Variants in HMGCLL1 observed in about 807,000 individuals in gnomAD.
HMGCLL1 encodes the protein 3-hydroxy-3-methylglutaryl-CoA lyase like 1.
HMGCLL1 carries 36 observed loss-of-function variants against 39.1 expected under a neutral mutation model. That is an observed-to-expected ratio of 0.92 (90% CI 0.71 to 1.22). The LOEUF (loss-of-function observed/expected upper bound fraction) is 1.22. HMGCLL1 is among the 50% of genes most tolerant of loss of function. The pLI is 0.00. For synonymous variants in HMGCLL1, 149 were observed against 144.0 expected, an observed-to-expected ratio of 1.03 and a Z score of -0.25; for missense variants, 451 against 416.5, an observed-to-expected ratio of 1.08 and a Z score of -0.72.
rs1418854946 is a variant in HMGCLL1, at chr6:55,477,231, T to G, written c.795+18188A>C. Among the ~76,000 whole-genome samples, 20 of 21,484 alleles carry G rather than the reference T, an allele frequency of 9.3e-4. 1 individual carries two copies. The highest frequency in any genetic ancestry group is 1.3e-3 in the Non-Finnish European group (18 of 14,328). The allele number at this position is 21,484 out of a possible 152,430, so 14.1% of individuals were successfully genotyped here. On this transcript the variant is annotated intron_variant, in intron 7 of 8. Transcript: ENST00000274901. ...ATATATTATATTATAATATATAATA[T>G]ATATTATATTTATATAATATATAAT...
Position 55,550,139 on chromosome 6 carries a change from G to A in HMGCLL1, c.109-7999C>T, listed in dbSNP as rs548650728. Among the ~76,000 whole-genome samples the A allele has an allele frequency of 5.3e-5, 8 of 152,092 alleles. No individual in the cohort carries two copies. In the East Asian group the frequency reaches 1.5e-3, roughly 29 times the overall value. ...GGAGATGAATTATTGAGTGCTAAAG[G>A]TGGCAGAAGGGGTTGAGAAAAATGT... On this transcript the variant is annotated intron_variant, in intron 1 of 8. Coordinates refer to ENST00000274901, the MANE Select transcript of HMGCLL1 (RefSeq NM_001042406.2).
At chr6:55,621,420 A>T in the HMGCLL1 span, among the ~76,000 whole-genome samples, 1 of 151,972 alleles carries the variant, frequency 6.6e-6, no homozygotes, top group Non-Finnish European at 1.5e-5. Flanking sequence ...ATTCATCTGT[A>T]TTTATAGCTG....
At chr6:55,522,879 G>C (rs1267729549) in intron 3 of HMGCLL1, among the ~76,000 whole-genome samples, 1 of 151,980 alleles carries the variant, frequency 6.6e-6, no homozygotes, top group Non-Finnish European at 1.5e-5. Flanking sequence ...GTGTGATGGG[G>C]TGGAAATATT....
At chr6:55,633,802 A>T in the HMGCLL1 span, among the ~76,000 whole-genome samples, 3 of 152,106 alleles carry the variant, frequency 2.0e-5, no homozygotes, top group South Asian at 6.2e-4. Context: ...GGCATGTACA[A>T]GTCTAAAAAA....
At chr6:55,537,921 C>G (rs943005292) in intron 3 of HMGCLL1, among the ~76,000 whole-genome samples, 1 of 152,132 alleles carries the variant, frequency 6.6e-6, no homozygotes, top group Admixed American at 6.6e-5. Flanking sequence ...TAAATCATAT[C>G]ATTTTATAGT....
intron 7 of HMGCLL1, among the ~76,000 whole-genome samples, chr6:55,474,943 T>C (rs573442384): frequency 1.3e-5 from 2 of 151,738 alleles, no homozygotes; most frequent in South Asian, 2.1e-4. Context: ...TCTGCTGTAA[T>C]CTGCTGTTAT....
At chr6:55,562,201 G>T (rs1770982386) in intron 1 of HMGCLL1, among the ~76,000 whole-genome samples, 1 of 152,094 alleles carries the variant, frequency 6.6e-6, no homozygotes, top group Admixed American at 6.6e-5. Context: ...ATGTAGTTTA[G>T]ATATATTCCA....
chr6:55,523,180 G>A (rs1191800556), intron 3 of HMGCLL1, among the ~76,000 whole-genome samples: 1 of 151,824 alleles, frequency 6.6e-6, no homozygotes, highest in African/African-American at 2.4e-5. Context: ...ATCTGATAAA[G>A]GGCTCAAATT....
the HMGCLL1 span, among the ~76,000 whole-genome samples, chr6:55,661,994 T>C: frequency 4.0e-5 from 6 of 150,992 alleles, no homozygotes; most frequent in African/African-American, 1.5e-4. Context: ...CTCTTGGCTG[T>C]GGTTGGTGTA....
chr6:55,472,467 GTTAATAT>G (rs70986717), intron 7 of HMGCLL1, among the ~76,000 whole-genome samples: 42,536 of 151,092 alleles, frequency 0.28, 7,203 homozygotes, highest in Non-Finnish European at 0.36. Context: ...CCACTGACCT[GTTAATAT>G]TTATTTTATC....
the HMGCLL1 span, among the ~76,000 whole-genome samples, chr6:55,627,897 ATAGTATATATAC>A: frequency 2.9e-5 from 1 of 34,452 alleles, no homozygotes. Flanking sequence ...ATATATATAT[ATAGTATATATAC>A]TATATATATA....
intron 5 of HMGCLL1, among the ~76,000 whole-genome samples, chr6:55,506,852 T>G (rs1040908235): frequency 2.9e-4 from 44 of 151,314 alleles, no homozygotes; most frequent in African/African-American, 9.9e-4. Context: ...AAAAAAAAAA[T>G]ATTGTATGAT....
chr6:55,591,337 T>G, the HMGCLL1 span, among the ~76,000 whole-genome samples: 1 of 151,954 alleles, frequency 6.6e-6, no homozygotes, highest in African/African-American at 2.4e-5. Context: ...CTTAATATCT[T>G]CAGCAGTGAT....
In HMGCLL1 at chr6:55,477,243, A is replaced by C. The variant is rs1244826851; in HGVS notation, c.795+18176T>G. On this transcript the variant is annotated intron_variant, in intron 7 of 8. Coordinates refer to ENST00000274901, the MANE Select transcript of HMGCLL1 (RefSeq NM_001042406.2). ...ATAATATATAATATATATTATATTT[A>C]TATAATATATAATATATATTATATA... Among the ~76,000 whole-genome samples the C allele has an allele frequency of 9.2e-4, 18 of 19,500 alleles. 1 individual carries two copies. The highest frequency in any genetic ancestry group is 7.0e-3 in the African/African-American group (18 of 2,588). 12.8% of individuals were successfully genotyped at this position (19,500 alleles called of 152,430 possible).
chr6:55,489,203 A>G lies in HMGCLL1; in HGVS notation c.795+6216T>C, dbSNP rs75262750. Among the ~76,000 whole-genome samples, 260 of 152,242 alleles carry G rather than the reference A, an allele frequency of 1.7e-3. 2 individuals are homozygous for G. The East Asian group carries it at 0.02, about 12-fold the overall frequency. On this transcript the variant is annotated intron_variant, in intron 7 of 8. Transcript: ENST00000274901. ...AATAAACATGAAAAGAAGTTTAAAA[A>G]TAAAAAGCTTAATGTGTTTTATGCA...
the HMGCLL1 span, among the ~76,000 whole-genome samples, chr6:55,602,618 C>T: frequency 1.3e-5 from 2 of 151,796 alleles, no homozygotes; most frequent in African/African-American, 2.4e-5. Flanking sequence ...AGTGGCACTT[C>T]GATATTTTTT....
chr6:55,445,797 A>G (rs921996326), intron 7 of HMGCLL1, among the ~76,000 whole-genome samples: 3 of 152,066 alleles, frequency 2.0e-5, no homozygotes, highest in African/African-American at 7.2e-5. Context: ...AGAAAAGTCC[A>G]TTTTTAGATG....
intron 3 of HMGCLL1, among the ~76,000 whole-genome samples, chr6:55,529,329 T>C (rs1478961434): frequency 6.6e-6 from 1 of 152,168 alleles, no homozygotes; most frequent in African/African-American, 2.4e-5. Flanking sequence ...TGAAATACTG[T>C]ATCTAATTGT....
intron 7 of HMGCLL1, among the ~76,000 whole-genome samples, chr6:55,493,297 A>G (rs985002484): frequency 3.9e-5 from 6 of 152,142 alleles, no homozygotes; most frequent in Admixed American, 2.0e-4. Context: ...AGACATGAAT[A>G]TGCTTGCTCT....
Sources: allele counts gnomAD v4.1 joint callset (sites outside exome capture counted in the v4.1 genomes callset), GRCh38; gene constraint gnomAD v4.1.1; transcripts MANE v1.5; gene names NCBI Gene and HGNC (gene_info 2026-07-23, HGNC 2026-07-21).